Variants in MED13 observed in about 807,000 individuals in gnomAD.
MED13 encodes the protein mediator of RNA polymerase II transcription subunit 13.
A neutral mutation model predicts 225.2 loss-of-function variants in MED13; 23 were observed. The ratio of observed to expected loss-of-function variants is 0.10; its 90% CI spans 0.07 to 0.14. MED13 has a LOEUF of 0.14. Ranked by LOEUF, MED13 falls within the 10% of genes least tolerant of loss-of-function variation. MED13 has a pLI of 1.00. For synonymous variants in MED13, 942 were observed against 889.2 expected (o/e 1.06, Z -1.06); for missense variants, 2,197 against 2,594.5 (o/e 0.85, Z 3.33).
At chr17:62,033,699 T>G in intron 5 of MED13, 88 bp downstream of exon 5, 3 of 1,241,502 alleles carry the variant, frequency 2.4e-6, no homozygotes. Flanking sequence ...AGCCACTGAG[T>G]TATTAGACTT....
chr17:62,000,660 G>C (rs2080386939), intron 9 of MED13, among the ~76,000 whole-genome samples: 1 of 152,158 alleles, frequency 6.6e-6, no homozygotes, highest in African/African-American at 2.4e-5. Flanking sequence ...AGCCTATACA[G>C]ATTTCCTTTG....
At chr17:61,952,824 A>G in intron 27 of MED13, 141 bp downstream of exon 27, 1 of 889,858 alleles carries the variant, frequency 1.1e-6, no homozygotes, top group Non-Finnish European at 1.7e-6. Context: ...TTTAGTAGAG[A>G]TGGGGTTTCA....
intron 24 of MED13, 53 bp downstream of exon 24, chr17:61,956,286 G>A: frequency 6.5e-7 from 1 of 1,538,382 alleles, no homozygotes; most frequent in Non-Finnish European, 8.9e-7. Flanking sequence ...TCAGAACTGT[G>A]TGTGAATTTA....
At chr17:62,008,716 T>C (rs1333580554) in intron 9 of MED13, among the ~76,000 whole-genome samples, 1 of 151,710 alleles carries the variant, frequency 6.6e-6, no homozygotes, top group South Asian at 2.1e-4. Context: ...GCTAAAGATA[T>C]TCACCAAGAA....
At chr17:62,020,659 G>A (rs1038063628) in intron 8 of MED13, among the ~76,000 whole-genome samples, 2 of 148,514 alleles carry the variant, frequency 1.3e-5, no homozygotes, top group Non-Finnish European at 1.5e-5. Flanking sequence ...GATTTCAGGC[G>A]TGAGTCACTG....
At chr17:61,961,550 T>G (rs1480726846) in intron 22 of MED13, 38 bp downstream of exon 22, 8 of 1,302,226 alleles carry the variant, frequency 6.1e-6, no homozygotes, top group Non-Finnish European at 8.7e-6. Context: ...AAGGTATGTA[T>G]AGTCATTGAA....
In MED13 at chr17:61,955,672, T is replaced by C. The variant is rs541209991; in HGVS notation, c.5782+8A>G. The C allele has an allele frequency of 2.5e-5, 39 of 1,591,078 alleles. 1 individual carries two copies. The South Asian group carries it at 3.8e-4, about 16-fold the overall frequency. On this transcript the variant is annotated splice_region_variant and intron_variant, in intron 25 of 29. Coordinates refer to ENST00000397786, the MANE Select transcript of MED13 (RefSeq NM_005121.3). ...AATTAAATCTGATATAAACTAAAGA[T>C]AGCTAACCTGGCATAATAACAAAAG...
At chr17:62,012,945 A>G (rs980252194) in intron 8 of MED13, among the ~76,000 whole-genome samples, 2 of 151,892 alleles carry the variant, frequency 1.3e-5, no homozygotes, top group African/African-American at 4.8e-5. Flanking sequence ...GGCGTGCACC[A>G]CCACACCTAG....
chr17:62,048,543 C>A (rs139317656), intron 3 of MED13, among the ~76,000 whole-genome samples: 1 of 151,862 alleles, frequency 6.6e-6, no homozygotes, highest in Non-Finnish European at 1.5e-5. Context: ...CAGAGGGACT[C>A]AGAATTAGAG....
chr17:61,985,009 A>G lies in MED13; in HGVS notation c.2467T>C (p.Ser823Pro). The change falls in exon 13 of 30, where the codon TCT (serine) becomes CCT (proline). Residue 823 changes from serine (S) to proline (P), a missense_variant. Ser to Pro is a moderately conservative substitution (Grantham distance 74, BLOSUM62 -1). Transcript: ENST00000397786. The part of the protein sequence containing the change: ...ESKTGNLDPL[S>P]CISTADLHKM... Reference sequence around the variant, plus strand: ...GATGAGGGAAGCTTACTTATGCAAGATAACGGGTCCAGATTTCCTGTCTTT... The same window carrying G: ...GATGAGGGAAGCTTACTTATGCAAGGTAACGGGTCCAGATTTCCTGTCTTT... The G allele has an allele frequency of 1.2e-6, 2 of 1,613,902 alleles. No individual in the cohort carries two copies. Among genetic ancestry groups the G allele is most frequent in the Non-Finnish European group, 8.5e-7 (1 of 1,179,942 alleles).
intron 3 of MED13, among the ~76,000 whole-genome samples, chr17:62,050,392 A>C (rs1023685742): frequency 6.6e-6 from 1 of 151,868 alleles, no homozygotes; most frequent in African/African-American, 2.4e-5. Flanking sequence ...GAGAGGGAAA[A>C]GAAGTGTGTG....
intron 2 of MED13, among the ~76,000 whole-genome samples, chr17:62,055,264 G>C (rs1188657563): frequency 6.6e-6 from 1 of 151,662 alleles, no homozygotes; most frequent in Non-Finnish European, 1.5e-5. Context: ...GCATGGCACG[G>C]CTGTAGTCCC....
intron 16 of MED13, among the ~76,000 whole-genome samples, chr17:61,975,880 G>C (rs772344844): frequency 6.6e-6 from 1 of 152,186 alleles, no homozygotes; most frequent in Non-Finnish European, 1.5e-5. Context: ...GCTGGGTATG[G>C]TGGCAGGAGC....
chr17:62,012,696 T>A (rs145824772), intron 8 of MED13, among the ~76,000 whole-genome samples: 1 of 152,134 alleles, frequency 6.6e-6, no homozygotes, highest in Non-Finnish European at 1.5e-5. Context: ...TTTTACTTTT[T>A]AAATTTTACT....
chr17:62,029,821 A>G, intron 7 of MED13, 30 bp downstream of exon 7: 1 of 1,565,272 alleles, frequency 6.4e-7, no homozygotes, highest in Non-Finnish European at 8.6e-7. Flanking sequence ...TCAACATGCA[A>G]TTTTTGAACT....
chr17:61,952,998 T>G lies in MED13; in HGVS notation c.6084A>C (p.Gly2028=), dbSNP rs2079910136. The G allele has an allele frequency of 6.2e-7, 1 of 1,613,978 alleles. No individual in the cohort carries two copies. Among genetic ancestry groups the G allele is most frequent in the Non-Finnish European group, 8.5e-7 (1 of 1,179,962 alleles). Residue 2028 remains glycine (G), a synonymous_variant, in exon 27 of 30, where the codon GGA becomes GGC. Transcript: ENST00000397786. ...SPTGSPVHSP[G]SHYPHGGDAG... is the part of the protein sequence containing the mutation. ...CATCACCTCCATGGGGGTAATGAGA[T>G]CCTGGAGAATGTACAGGAGAACCAG...
intron 1 of MED13, among the ~76,000 whole-genome samples, chr17:62,063,711 G>T (rs141265489): frequency 0.011 from 1,607 of 152,248 alleles, 11 homozygotes; most frequent in Middle Eastern, 0.027. Flanking sequence ...CACATTTACA[G>T]AAGTAACGTC....
rs942060835 is a variant in MED13, at chr17:62,020,726, T to C, written c.1283+8815A>G. 3.5e-3 allele frequency among the ~76,000 whole-genome samples: 521 copies of C among 149,768 alleles called. 3 individuals carry two copies. Among genetic ancestry groups the C allele is most frequent in the African/African-American group, 0.012 (473 of 40,616 alleles). On this transcript the variant is annotated intron_variant, in intron 8 of 29. Coordinates refer to ENST00000397786, the MANE Select transcript of MED13 (RefSeq NM_005121.3). ...TTTTTTAATTGATCATTCTTGGGTGTTTCTCGCAGAGGGGTATTTGGCAGG... is the reference window on the plus strand; with the variant it reads ...TTTTTTAATTGATCATTCTTGGGTGCTTCTCGCAGAGGGGTATTTGGCAGG...
At chr17:62,024,110 C>A (rs1374891760) in intron 8 of MED13, among the ~76,000 whole-genome samples, 1 of 152,050 alleles carries the variant, frequency 6.6e-6, no homozygotes, top group Non-Finnish European at 1.5e-5. Context: ...CTCTGCCTTC[C>A]GGGTTCAAGC....
Sources: allele counts gnomAD v4.1 joint callset (sites outside exome capture counted in the v4.1 genomes callset), GRCh38; gene constraint gnomAD v4.1.1; transcripts MANE v1.5; gene names NCBI Gene and HGNC (gene_info 2026-07-23, HGNC 2026-07-21).